The following VWF variants were observed in gnomAD, a reference collection of about 807,000 sequenced individuals.
The protein encoded by VWF is Factor VIII related antigen.
In VWF, 176 loss-of-function variants were observed where a neutral mutation model predicts 308.6. The ratio of observed to expected loss-of-function variants is 0.57; its 90% confidence interval spans 0.50 to 0.65. The LOEUF (loss-of-function observed/expected upper bound fraction) is 0.65. VWF is among the 30% of genes least tolerant of loss of function. The pLI, the probability that VWF is intolerant of heterozygous loss-of-function variation, is 0.00. For missense variants in VWF, 3,146 were observed against 3,648.2 expected, an observed-to-expected ratio of 0.86 and a Z score of 3.55; for synonymous variants, 1,385 against 1,443.4, an observed-to-expected ratio of 0.96 and a Z score of 0.92.
intron 16 of VWF, among the ~76,000 whole-genome samples, chr12:6,050,297 T>TGGCTTCC (rs1688025082): frequency 6.6e-6 from 1 of 152,212 alleles, no homozygotes; most frequent in African/African-American, 2.4e-5. Context: ...CTCTGGCTTC[T>TGGCTTCC]GGCTTCCACT....
intron 4 of VWF, 124 bp from the exon 5 acceptor site, chr12:6,110,706 A>G: frequency 7.6e-7 from 1 of 1,313,590 alleles, no homozygotes; most frequent in Admixed American, 1.7e-5. Flanking sequence ...CTGAGGACCT[A>G]GATCAGCAAT....
At chr12:5,982,940 A>T (rs1377237941) in intron 41 of VWF, among the ~76,000 whole-genome samples, 2 of 152,182 alleles carry the variant, frequency 1.3e-5, no homozygotes, top group African/African-American at 4.8e-5. Context: ...GGCTGTGCCC[A>T]CACCTGGTAT....
chr12:5,952,027 G>C (rs954849775), intron 49 of VWF, 144 bp from the exon 50 acceptor site: 2 of 851,334 alleles, frequency 2.3e-6, no homozygotes, highest in East Asian at 5.3e-5. Flanking sequence ...TATCATAAAT[G>C]TGAGCAGCTT....
rs1210631663 is a variant in VWF, at chr12:5,995,869, A to G, written c.6063+133T>C. On this transcript the variant is annotated intron_variant, in intron 35 of 51. Transcript: ENST00000261405. ...CAATAAACCCCTCTAAGAAAGTGGT[A>G]CTCCTCTCCTCCACTTAAGCAGAAG... 1.1e-5 allele frequency: 9 copies of G among 804,758 alleles called. No individual in the cohort carries two copies. In the Admixed American group the frequency reaches 1.4e-4, roughly 13 times the overall value. 49.9% of individuals were successfully genotyped at this position (804,758 alleles called of 1,614,324 possible).
Position 6,044,300 on chromosome 12 carries a change from G to A in VWF, c.2433C>T (p.Pro811=). The A allele has an allele frequency of 1.2e-6, 2 of 1,614,100 alleles. No individual in the cohort carries two copies. The highest frequency in any genetic ancestry group is 1.7e-6 in the Non-Finnish European group (2 of 1,179,996). The change falls in exon 18 of 52, where the codon CCC becomes CCT. Residue 811 remains proline, a synonymous_variant. Transcript: ENST00000261405. ...GTGCCTGGTGACTCACCATGCCCGGGGGGCAGAGGCAGCCAGAGACACAGC... is the reference window on the plus strand; with the variant it reads ...GTGCCTGGTGACTCACCATGCCCGGAGGGCAGAGGCAGCCAGAGACACAGC... ...SMGCVSGCLC[P]PGMVRHENRC...
Position 6,058,963 on chromosome 12 carries a change from T to C in VWF, c.1534-919A>G, listed in dbSNP as rs1944625664. ...CAGGAGTCCTGACTCCCTCTCCGCATGTCATTACCAAGGTGGGATGACCTC... is the reference window on the plus strand; with the variant it reads ...CAGGAGTCCTGACTCCCTCTCCGCACGTCATTACCAAGGTGGGATGACCTC... On this transcript the variant is annotated intron_variant, in intron 13 of 51. Transcript: ENST00000261405. The surrounding 1 kb of genome is among the most constrained non-coding windows in gnomAD (Gnocchi z 4.9). Among the ~76,000 whole-genome samples the C allele has an allele frequency of 6.6e-6, 1 of 152,218 alleles. No individual in the cohort carries two copies. The highest frequency in any genetic ancestry group is 6.5e-5 in the Admixed American group (1 of 15,284).
Position 5,970,925 on chromosome 12 carries a change from C to T in VWF, c.7548+674G>A, listed in dbSNP as rs2238111. Among the ~76,000 whole-genome samples the T allele has an allele frequency of 9.8e-5, 15 of 152,308 alleles. No homozygotes were observed. The East Asian group carries it at 2.3e-3, about 24-fold the overall frequency. ...ATTCTCCTAGCATCTGGACTAAAAC[C>T]GCCAAAGACGGAATCCTCTGTGTTT... On this transcript the variant is annotated intron_variant, in intron 44 of 51. Transcript: ENST00000261405.
intron 47 of VWF, among the ~76,000 whole-genome samples, chr12:5,962,024 T>C (rs1348039851): frequency 6.6e-6 from 1 of 151,856 alleles, no homozygotes; most frequent in East Asian, 1.9e-4. Flanking sequence ...TTCTGCCACA[T>C]GTGGATGCCA....
chr12:6,000,642 C>CA lies in VWF; in HGVS notation c.5843-4421dup, dbSNP rs1162521877. On this transcript the variant is annotated intron_variant, in intron 34 of 51. Transcript: ENST00000261405. ...CTAACACGGTGAAACCCCGTCTCTA[C>CA]AAAAAAAAAAATACGAAAAATTAGC... 3.4e-3 allele frequency among the ~76,000 whole-genome samples: 483 copies of CA among 142,266 alleles called. 3 individuals carry two copies. Among genetic ancestry groups the CA allele is most frequent in the African/African-American group, 5.5e-3 (214 of 38,992 alleles). 93.3% of individuals were successfully genotyped at this position (142,266 alleles called of 152,430 possible).
At chr12:5,985,823 T>C (rs116410139) in intron 38 of VWF, among the ~76,000 whole-genome samples, 158 bp from the exon 39 acceptor site, 4,737 of 152,022 alleles carry the variant, frequency 0.031, 222 homozygotes, top group African/African-American at 0.11. Context: ...TGAAAGGAGG[T>C]TGTGAGGTTC....
In VWF at chr12:6,103,510, ATATACACACATATGTG is replaced by A. The variant is rs1473026256; in HGVS notation, c.532+6848_532+6863del. On this transcript the variant is annotated intron_variant, in intron 5 of 51. Transcript: ENST00000261405. Reference sequence around the variant, plus strand: ...TATATGTGTATACACACACGTATATATATACACACATATGTGTATATACACATATATGTATACACAC... The same window carrying A: ...TATATGTGTATACACACACGTATATATATATACACATATATGTATACACAC... Among the ~76,000 whole-genome samples the A allele has an allele frequency of 2.9e-5, 4 of 138,814 alleles. No individual in the cohort carries two copies. In the East Asian group the frequency reaches 8.3e-4, roughly 29 times the overall value. 91.1% of individuals were successfully genotyped at this position (138,814 alleles called of 152,430 possible). A position where few individuals can be genotyped will look rare whatever the true frequency, so the allele number is the denominator to read the frequency against.
intron 40 of VWF, among the ~76,000 whole-genome samples, chr12:5,984,638 T>C (rs1454799268): frequency 6.6e-6 from 1 of 152,266 alleles, no homozygotes; most frequent in African/African-American, 2.4e-5. Flanking sequence ...CAGAGCAGCC[T>C]GCAAGGCTAG....
At chr12:6,022,656 T>C in intron 26 of VWF, 84 bp downstream of exon 26, 1 of 309,878 alleles carries the variant, frequency 3.2e-6, no homozygotes, top group Admixed American at 4.9e-5. Flanking sequence ...AGGTGGAGGC[T>C]GAGATGAAGC....
rs963829179 is a variant in VWF, at chr12:6,058,494, A to G, written c.1534-450T>C. On this transcript the variant is annotated intron_variant, in intron 13 of 51. Coordinates refer to ENST00000261405, the MANE Select transcript of VWF (RefSeq NM_000552.5). The surrounding 1 kb of genome is among the most constrained non-coding windows in gnomAD (Gnocchi z 4.9). ...ACGTGCAAACTCAAGGCCCCTCTATATAGAAAGACTTCGCGTTGGTCACTC... is the reference window on the plus strand; with the variant it reads ...ACGTGCAAACTCAAGGCCCCTCTATGTAGAAAGACTTCGCGTTGGTCACTC... 6.6e-6 allele frequency among the ~76,000 whole-genome samples: 1 copy of G among 152,072 alleles called. No homozygotes were observed. The highest frequency in any genetic ancestry group is 2.1e-4 in the South Asian group (1 of 4,818).
chr12:6,013,377 T>C (rs1326448619), intron 32 of VWF, 104 bp downstream of exon 32: 4 of 1,424,348 alleles, frequency 2.8e-6, no homozygotes, highest in South Asian at 2.3e-5. Context: ...CCAAATCTTA[T>C]GCATGGGCAC....
At chr12:6,076,787 A>G (rs1944849313) in intron 6 of VWF, among the ~76,000 whole-genome samples, 1 of 152,248 alleles carries the variant, frequency 6.6e-6, no homozygotes, top group Admixed American at 6.5e-5. Flanking sequence ...CTCCAGAGCA[A>G]GCCTGTATAA....
Position 5,981,722 on chromosome 12 carries a change from A to C in VWF, c.7287+64T>G. 1.9e-6 allele frequency: 3 copies of C among 1,556,190 alleles called. No homozygotes were observed. In the South Asian group the frequency reaches 3.3e-5, roughly 17 times the overall value. ...GAATGGATGGGTGGATAGAAGGATA[A>C]ACTGACAGCAATAAATAAATGAGTA... On this transcript the variant is annotated intron_variant, in intron 42 of 51. Transcript: ENST00000261405.
intron 34 of VWF, among the ~76,000 whole-genome samples, chr12:6,007,885 ATAAAAAGGT>A (rs1218936500): frequency 6.6e-6 from 1 of 152,178 alleles, no homozygotes; most frequent in Non-Finnish European, 1.5e-5. Flanking sequence ...TAGCGCAGAA[ATAAAAAGGT>A]TAGTAAGAGA....
At chr12:5,992,602 T>G (rs377504589) in intron 37 of VWF, among the ~76,000 whole-genome samples, 104 of 152,374 alleles carry the variant, frequency 6.8e-4, no homozygotes, top group African/African-American at 2.4e-3. Context: ...GTAGGTTTTG[T>G]TGTCCTTTTT....
Sources: allele counts gnomAD v4.1 joint callset (sites outside exome capture counted in the v4.1 genomes callset), GRCh38; gene constraint gnomAD v4.1.1; non-coding constraint Gnocchi (gnomAD v3.1); transcripts MANE v1.5; gene names NCBI Gene and HGNC (gene_info 2026-07-23, HGNC 2026-07-21).